Variants in EXOSC8 observed in about 807,000 individuals in gnomAD.
EXOSC8 encodes exosome complex component RRP43.
In EXOSC8, 37 loss-of-function variants were observed where a neutral mutation model predicts 39.9. The ratio of observed to expected loss-of-function variants is 0.93; its 90% confidence interval spans 0.71 to 1.22. The LOEUF is 1.22. EXOSC8 is among the 50% of genes most tolerant of loss of function. The pLI, the probability that EXOSC8 is intolerant of heterozygous loss-of-function variation, is 0.00. For missense variants in EXOSC8, 313 were observed against 326.6 expected, an observed-to-expected ratio of 0.96 and a Z score of 0.32; for synonymous variants, 93 against 109.5, an observed-to-expected ratio of 0.85 and a Z score of 0.94.
rs752887601 is a variant in EXOSC8 at position 37,004,531 on chromosome 13, T to A, written c.208T>A (p.Ser70Thr). 34 of 1,608,976 alleles carry A rather than the reference T, an allele frequency of 2.1e-5. No homozygotes were observed. In the Admixed American group the frequency reaches 5.7e-4, roughly 27 times the overall value. The change falls in exon 5 of 11, where the codon TCA (serine) becomes ACA (threonine). Residue 70 changes from serine (S) to threonine (T), a missense_variant. Coordinates refer to ENST00000389704, the MANE Select transcript of EXOSC8 (RefSeq NM_181503.3). ...CGVKAEFAAP[S>T]TDAPDKGYVV... is the part of the protein sequence containing the mutation. ...GCTACTATAGGAATTTGCAGCACCA[T>A]CAACAGATGCCCCTGATAAAGGATA...
chr13:37,002,422 A>G lies in EXOSC8; in HGVS notation c.55-66A>G, dbSNP rs2059112577. The G allele has an allele frequency of 3.0e-6, 4 of 1,345,104 alleles. No individual in the cohort carries two copies. The Admixed American group carries it at 5.4e-5, about 18-fold the overall frequency. 83.3% of individuals were successfully genotyped at this position (1,345,104 alleles called of 1,614,324 possible). A position where few individuals can be genotyped will look rare whatever the true frequency, so the allele number is the denominator to read the frequency against. The stretch of plus-strand genomic sequence containing the variant: ...AAGTAACATTTAATGTGTGTGTAAA[A>G]CTTGTGATAGATGTGTAAAATATGT... On this transcript the variant is annotated intron_variant, in intron 2 of 10. Coordinates refer to ENST00000389704, the MANE Select transcript of EXOSC8 (RefSeq NM_181503.3).
chr13:37,007,025 C>T lies in EXOSC8; in HGVS notation c.441C>T (p.Asn147=). 6.2e-7 allele frequency: 1 copy of T among 1,613,720 alleles called. No individual in the cohort carries two copies. Among genetic ancestry groups the T allele is most frequent in the Non-Finnish European group, 8.5e-7 (1 of 1,179,596 alleles). ...TCATTTGCCTCGACTACGATGGAAA[C>T]ATTTTGGATGCCTGCACATTTGCTT... ...CDLICLDYDG[N]ILDACTFALL... Residue 147 remains asparagine (N), a synonymous_variant, in exon 8 of 11, where the codon AAC becomes AAT. Coordinates refer to ENST00000389704, the MANE Select transcript of EXOSC8 (RefSeq NM_181503.3).
chr13:37,008,309 C>T (rs2059166203), intron 9 of EXOSC8, 132 bp downstream of exon 9: 2 of 728,526 alleles, frequency 2.7e-6, no homozygotes, highest in South Asian at 3.2e-5. Context: ...TGAGTTTCTA[C>T]TTGTCCCTGC....
chr13:37,005,755 T>C (rs938523462), intron 5 of EXOSC8, among the ~76,000 whole-genome samples, 165 bp from the exon 6 acceptor site: 5 of 149,306 alleles, frequency 3.3e-5, no homozygotes, highest in African/African-American at 9.9e-5. Context: ...TCTCAGCTAC[T>C]TGGGAGGCTG....
chr13:37,004,320 T>C (rs1437010137), intron 4 of EXOSC8, 196 bp from the exon 5 acceptor site: 3 of 450,816 alleles, frequency 6.7e-6, no homozygotes, highest in Non-Finnish European at 1.2e-5. Flanking sequence ...CGAGCAGCAC[T>C]GTAGTGTAGT....
At chr13:37,000,939 C>T (rs2059096218) in intron 1 of EXOSC8, 117 bp downstream of exon 1, 2 of 1,277,338 alleles carry the variant, frequency 1.6e-6, no homozygotes, top group Non-Finnish European at 2.1e-6. Flanking sequence ...CCATTTCCTT[C>T]CTCGTCGAGG....
intron 8 of EXOSC8, among the ~76,000 whole-genome samples, chr13:37,007,585 C>T (rs552478701): frequency 6.6e-6 from 1 of 152,202 alleles, no homozygotes; most frequent in South Asian, 2.1e-4. Context: ...AAAGTTAGCA[C>T]AGCAATATTA....
chr13:37,001,936 A>C (rs111431019), intron 1 of EXOSC8: 3,448 of 193,496 alleles, frequency 0.018, 119 homozygotes, highest in African/African-American at 0.074. Context: ...ATTCATGATC[A>C]CTAGATTATT....
At chr13:37,003,736 T>C (rs2059120818) in intron 4 of EXOSC8, 1 of 152,252 alleles carries the variant, frequency 6.6e-6, no homozygotes, top group Admixed American at 6.5e-5. Flanking sequence ...TAACAGTCCC[T>C]AGGAGTAGAC....
In EXOSC8 at chr13:37,005,991, G is replaced by A. The variant is rs751658908; in HGVS notation, c.310G>A (p.Val104Met). ...TGGACCTCCTGGAGAAGAGGCCCAA[G>A]TGGCTAGCCAGTTCATTGCAGATGT... The part of the protein sequence containing the change: ...RSGPPGEEAQ[V>M]ASQFIADVIE... The change falls in exon 6 of 11, where the codon GTG (valine) becomes ATG (methionine). Residue 104 changes from valine to methionine, a missense_variant. Transcript: ENST00000389704. 6.2e-7 allele frequency: 1 copy of A among 1,611,862 alleles called. No homozygotes were observed. The highest frequency in any genetic ancestry group is 1.1e-5 in the South Asian group (1 of 91,030).
intron 2 of EXOSC8, 62 bp from the exon 3 acceptor site, chr13:37,002,424 TTG>T (rs1350113021): frequency 2.2e-6 from 3 of 1,337,466 alleles, no homozygotes; most frequent in East Asian, 2.3e-5. Context: ...TGTGTAAAAC[TTG>T]TGATAGATGT....
Position 37,008,719 on chromosome 13 carries a change from C to A in EXOSC8, c.609-10C>A, listed in dbSNP as rs1358003956. On this transcript the variant is annotated splice_polypyrimidine_tract_variant and intron_variant, in intron 9 of 10. Transcript: ENST00000389704. ...ATGGATTGATAACTTATATTTTTTTCTTTTTATAGCACTTTGCTTATAGTT... is the reference window on the plus strand; with the variant it reads ...ATGGATTGATAACTTATATTTTTTTATTTTTATAGCACTTTGCTTATAGTT... 6.5e-7 allele frequency: 1 copy of A among 1,549,682 alleles called. No homozygotes were observed. Among genetic ancestry groups the A allele is most frequent in the Non-Finnish European group, 8.8e-7 (1 of 1,131,122 alleles).
At position 37,008,040 on chromosome 13, in the gene EXOSC8, A is replaced by C; in HGVS notation, c.488-17A>C. 1 of 1,560,530 alleles carries C rather than the reference A, an allele frequency of 6.4e-7. No individual in the cohort carries two copies. Among genetic ancestry groups the C allele is most frequent in the Non-Finnish European group, 8.7e-7 (1 of 1,145,682 alleles). ...TTCTTAGAGACTTACTTACTTTACA[A>C]ATTTGCCTTTTCTTAGTACAGTTGC... On this transcript the variant is annotated splice_polypyrimidine_tract_variant and intron_variant, in intron 8 of 10. Coordinates refer to ENST00000389704, the MANE Select transcript of EXOSC8 (RefSeq NM_181503.3).
At chr13:37,002,724 A>G (rs1172035243) in intron 3 of EXOSC8, among the ~76,000 whole-genome samples, 173 bp downstream of exon 3, 5 of 152,238 alleles carry the variant, frequency 3.3e-5, no homozygotes. Flanking sequence ...GATTAACACA[A>G]ATTCAAGGAC....
At chr13:37,002,334 A>G (rs1320855003) in intron 2 of EXOSC8, 25 bp downstream of exon 2, 8 of 1,574,202 alleles carry the variant, frequency 5.1e-6, no homozygotes, top group Non-Finnish European at 6.1e-6. Context: ...TGTACATGTT[A>G]TGCGTTTTGA....
At chr13:37,006,223 G>A in intron 7 of EXOSC8, 63 bp downstream of exon 7, 1 of 1,113,978 alleles carries the variant, frequency 9.0e-7, no homozygotes, top group Non-Finnish European at 1.3e-6. Flanking sequence ...TTTTGTGGGG[G>A]AAAGTGAACA....
intron 1 of EXOSC8, 50 bp downstream of exon 1, chr13:37,000,872 G>C: frequency 6.8e-7 from 1 of 1,462,320 alleles, no homozygotes; most frequent in Non-Finnish European, 9.1e-7. Context: ...GCGGACGGCA[G>C]CTTCCTTTAA....
intron 3 of EXOSC8, 107 bp from the exon 4 acceptor site, chr13:37,002,827 C>T (rs2138844484): frequency 3.9e-6 from 3 of 760,278 alleles, no homozygotes; most frequent in South Asian, 1.6e-5. Flanking sequence ...AGAGGGGTAG[C>T]AAGATAATCG....
intron 5 of EXOSC8, 84 bp downstream of exon 5, chr13:37,004,645 TAAAGA>T (rs2059126784): frequency 1.2e-6 from 1 of 810,134 alleles, no homozygotes; most frequent in East Asian, 2.7e-5. Context: ...TAAGTTGATG[TAAAGA>T]AAATTATTCC....
Sources: allele counts gnomAD v4.1 joint callset (sites outside exome capture counted in the v4.1 genomes callset), GRCh38; gene constraint gnomAD v4.1.1; transcripts MANE v1.5; gene names NCBI Gene and HGNC (gene_info 2026-07-23, HGNC 2026-07-21).